The following DSG2 variants were observed in gnomAD, a reference collection of about 807,000 sequenced individuals.
The protein encoded by DSG2 is desmoglein 2.
A neutral mutation model predicts 75.6 loss-of-function variants in DSG2; 45 were observed. That is an observed-to-expected ratio of 0.60 (90% CI 0.47 to 0.76). DSG2 has a LOEUF of 0.76. DSG2 is among the 30% of genes least tolerant of loss of function. The pLI, the probability that DSG2 is intolerant of heterozygous loss-of-function variation, is 0.00. For synonymous variants in DSG2, 429 were observed against 483.9 expected, an observed-to-expected ratio of 0.89 and a Z score of 1.49; for missense variants, 1,267 against 1,357.4, an observed-to-expected ratio of 0.93 and a Z score of 1.05.
chr18:31,535,443 T>G, intron 10 of DSG2, 31 bp downstream of exon 10: 2 of 1,523,522 alleles, frequency 1.3e-6, no homozygotes, highest in African/African-American at 2.7e-5. Context: ...TTTTCTTGAT[T>G]ATATGTATTT....
At chr18:31,515,967 A>G (rs1048776394) in intron 1 of DSG2, among the ~76,000 whole-genome samples, 14 of 152,226 alleles carry the variant, frequency 9.2e-5, no homozygotes, top group Admixed American at 8.5e-4. Flanking sequence ...TGCAGATGGG[A>G]AAAGGCAAAC....
rs1308912542 is a variant in DSG2, at chr18:31,520,063, GAT to G, written c.216+131_216+132del. 6 of 1,227,294 alleles carry G rather than the reference GAT, an allele frequency of 4.9e-6. No homozygotes were observed. The African/African-American group carries it at 9.1e-5, about 19-fold the overall frequency. 76.0% of individuals were successfully genotyped at this position (1,227,294 alleles called of 1,614,324 possible). On this transcript the variant is annotated intron_variant, in intron 3 of 14. Coordinates refer to ENST00000261590, the MANE Select transcript of DSG2 (RefSeq NM_001943.5). ...GCTTACAGAATTTTTAAATATTCAA[GAT>G]ATATCTGAAAATTAGCAGAGCTTAC...
At chr18:31,536,471 G>A (rs773318376) in intron 11 of DSG2, 42 bp downstream of exon 11, 3 of 1,522,820 alleles carry the variant, frequency 2.0e-6, no homozygotes, top group South Asian at 1.1e-5. Flanking sequence ...TAAATATTAA[G>A]CATGATATCT....
At chr18:31,499,246 G>C (rs1324954443) in intron 1 of DSG2, among the ~76,000 whole-genome samples, 1 of 152,156 alleles carries the variant, frequency 6.6e-6, no homozygotes, top group Middle Eastern at 3.2e-3. Flanking sequence ...ATCATACTCA[G>C]TTTTCTTACG....
intron 8 of DSG2, among the ~76,000 whole-genome samples, chr18:31,529,363 A>G (rs2073181069): frequency 1.3e-5 from 2 of 152,164 alleles, no homozygotes; most frequent in Non-Finnish European, 2.9e-5. Flanking sequence ...GCCTTTGGAT[A>G]CTAATGACAT....
intron 5 of DSG2, among the ~76,000 whole-genome samples, chr18:31,521,648 A>C: frequency 6.6e-6 from 1 of 152,120 alleles, no homozygotes; most frequent in Non-Finnish European, 1.5e-5. Flanking sequence ...TTTTACTGTA[A>C]TATTTATTCA....
At position 31,547,701 on chromosome 18, in the gene DSG2, A is replaced by AAAT. The variant is rs1195019410; in HGVS notation, c.*960_*962dup. ...CAAAAAAAAAAAGAAAAGGAAAAAA[A>AAAT]AATAGCATTATACCTCTTCCTTGTC... On this transcript the variant is annotated 3_prime_UTR_variant, in exon 15 of 15. Coordinates refer to ENST00000261590, the MANE Select transcript of DSG2 (RefSeq NM_001943.5). 1 of 152,108 alleles carries AAAT rather than the reference A, an allele frequency of 6.6e-6. No individual in the cohort carries two copies. The highest frequency in any genetic ancestry group is 2.4e-5 in the African/African-American group (1 of 41,402). 9.4% of individuals were successfully genotyped at this position (152,108 alleles called of 1,614,324 possible).
chr18:31,524,349 A>C, intron 6 of DSG2, 99 bp from the exon 7 acceptor site: 1 of 1,483,234 alleles, frequency 6.7e-7, no homozygotes. Flanking sequence ...ATTTGTAAAT[A>C]AAATATACTG....
Position 31,546,338 on chromosome 18 carries a change from A to G in DSG2, c.2952A>G (p.Thr984=). Residue 984 remains threonine (T), a synonymous_variant, in exon 15 of 15, where the codon ACA becomes ACG. Transcript: ENST00000261590. ...LVDQPYANEG[T]VVVTERVIQP... ...ATCAGCCTTATGCTAATGAAGGTAC[A>G]GTTGTGGTCACTGAAAGAGTAATAC... 1 of 1,612,056 alleles carries G rather than the reference A, an allele frequency of 6.2e-7. No individual in the cohort carries two copies. The highest frequency in any genetic ancestry group is 8.5e-7 in the Non-Finnish European group (1 of 1,178,606).
At chr18:31,529,010 C>G (rs1328084343) in intron 8 of DSG2, among the ~76,000 whole-genome samples, 1 of 151,916 alleles carries the variant, frequency 6.6e-6, no homozygotes, top group Non-Finnish European at 1.5e-5. Context: ...ATAAGTTATA[C>G]CTGAATGAAG....
Position 31,545,783 on chromosome 18 carries a change from T to C in DSG2, c.2397T>C (p.Tyr799=), listed in dbSNP as rs200201181. The part of the protein sequence containing the change: ...NHTAKDCLLV[Y]SQEETESLNA... ...CAGCCAAAGATTGCCTTCTGGTTTA[T>C]TCTCAGGAAGAAACTGAATCGCTGA... The change falls in exon 15 of 15, where the codon TAT becomes TAC. Residue 799 remains tyrosine (Y), a synonymous_variant. Coordinates refer to ENST00000261590, the MANE Select transcript of DSG2 (RefSeq NM_001943.5). 7.4e-6 allele frequency: 12 copies of C among 1,614,218 alleles called. No homozygotes were observed. The East Asian group carries it at 2.5e-4, about 33-fold the overall frequency.
At chr18:31,529,660 C>T (rs748919657) in intron 8 of DSG2, among the ~76,000 whole-genome samples, 3 of 152,154 alleles carry the variant, frequency 2.0e-5, no homozygotes, top group Non-Finnish European at 4.4e-5. Context: ...GAAGGAAATT[C>T]ACAATGAATT....
At chr18:31,512,516 A>C (rs1211199122) in intron 1 of DSG2, among the ~76,000 whole-genome samples, 2 of 152,246 alleles carry the variant, frequency 1.3e-5, no homozygotes, top group African/African-American at 4.8e-5. Flanking sequence ...TCCATACAGT[A>C]GCACCAGCGA....
chr18:31,525,615 T>A (rs900610257), intron 8 of DSG2, among the ~76,000 whole-genome samples: 6 of 152,090 alleles, frequency 3.9e-5, no homozygotes, highest in South Asian at 4.1e-4. Flanking sequence ...TAAGTGTGCC[T>A]AAGAATCACC....
intron 1 of DSG2, among the ~76,000 whole-genome samples, chr18:31,506,470 G>A (rs2073039728): frequency 6.6e-6 from 1 of 152,084 alleles, no homozygotes. Context: ...CCAATGAAAC[G>A]CCTGCTTCCC....
chr18:31,546,318 C>T lies in DSG2; in HGVS notation c.2932C>T (p.Pro978Ser). The stretch of plus-strand genomic sequence containing the variant: ...TCCAGCTTCTACCTTGGTAGATCAG[C>T]CTTATGCTAATGAAGGTACAGTTGT... ...YAPASTLVDQ[P>S]YANEGTVVVT... is the part of the protein sequence containing the mutation. Residue 978 changes from proline to serine, a missense_variant, in exon 15 of 15, where the codon CCT becomes TCT. Transcript: ENST00000261590. The T allele has an allele frequency of 1.2e-6, 2 of 1,607,716 alleles. No homozygotes were observed. The highest frequency in any genetic ancestry group is 1.7e-6 in the Non-Finnish European group (2 of 1,176,058).
rs769699241 is a variant in DSG2 at position 31,524,851 on chromosome 18, A to T, written c.977A>T (p.Asp326Val). The change falls in exon 8 of 15, where the codon GAT becomes GTT. Residue 326 changes from aspartate (D) to valine (V), a missense_variant. Transcript: ENST00000261590. Reference protein sequence around the residue: ...NEGGYFHIETDAQTNEGIVTL... With the variant: ...NEGGYFHIETVAQTNEGIVTL... ...GGAGGTTATTTCCACATAGAAACAG[A>T]TGCTCAAACTAACGAAGGAATTGTG... 4.3e-6 allele frequency: 7 copies of T among 1,614,110 alleles called. No homozygotes were observed. In the African/African-American group the frequency reaches 8.0e-5, roughly 18 times the overall value.
rs1044776187 is a variant in DSG2, at chr18:31,505,977, T to G, written c.45+7681T>G. On this transcript the variant is annotated intron_variant, in intron 1 of 14. Coordinates refer to ENST00000261590, the MANE Select transcript of DSG2 (RefSeq NM_001943.5). ...CGAGTAGTAAATTTTTGTTTAAATT[T>G]TATGCATTTAGCAGTCACAAATTGG... Among the ~76,000 whole-genome samples the G allele has an allele frequency of 3.3e-4, 51 of 152,260 alleles. 1 individual carries two copies. Among genetic ancestry groups the G allele is most frequent in the South Asian group, 6.2e-4 (3 of 4,820 alleles).
chr18:31,538,000 TAAG>T (rs577490649), intron 11 of DSG2, among the ~76,000 whole-genome samples: 116 of 151,880 alleles, frequency 7.6e-4, no homozygotes, highest in Non-Finnish European at 1.0e-3. Context: ...TTTCAAAAAA[TAAG>T]AAGAAGAAGA....
Sources: gnomAD v4.1 joint callset for allele counts (sites outside exome capture counted in the v4.1 genomes callset) on GRCh38, gnomAD v4.1.1 for gene constraint, MANE v1.5 for transcripts, NCBI Gene and HGNC (gene_info 2026-07-23, HGNC 2026-07-21) for gene names.